SCN9A: variants seen among roughly 807,000 people sequenced by gnomAD.
SCN9A encodes the protein sodium channel protein type 9 subunit alpha.
SCN9A carries 131 observed loss-of-function variants against 187.0 expected under a neutral mutation model. That is an observed-to-expected ratio of 0.70 (90% CI 0.61 to 0.81). The LOEUF is 0.81. Ranked by LOEUF, SCN9A falls within the 30% of genes least tolerant of loss-of-function variation. SCN9A has a pLI of 0.00. For missense variants in SCN9A, 2,252 were observed against 2,396.6 expected, an observed-to-expected ratio of 0.94 and a Z score of 1.26; for synonymous variants, 809 against 808.6, an observed-to-expected ratio of 1.00 and a Z score of -0.01.
intron 1 of SCN9A, among the ~76,000 whole-genome samples, chr2:166,323,802 ATATT>A (rs1699299830): frequency 6.6e-6 from 1 of 151,948 alleles, no homozygotes; most frequent in Non-Finnish European, 1.5e-5. Flanking sequence ...TATGAAAGCT[ATATT>A]TATTTAAGAG....
At chr2:166,260,150 G>T (rs1434590846) in intron 17 of SCN9A, among the ~76,000 whole-genome samples, 1 of 151,844 alleles carries the variant, frequency 6.6e-6, no homozygotes. Flanking sequence ...CCACCACATA[G>T]TAAAAGGACA....
In SCN9A at chr2:166,284,486, C is replaced by T. The variant is rs1474457454; in HGVS notation, c.1941G>A (p.Glu647=). 6.2e-7 allele frequency: 1 copy of T among 1,613,838 alleles called. No homozygotes were observed. The highest frequency in any genetic ancestry group is 2.2e-5 in the East Asian group (1 of 44,848). The change falls in exon 12 of 27, where the codon GAG becomes GAA. Residue 647 remains glutamate, a synonymous_variant. Transcript: ENST00000642356. ...CAGAAGTTGCCTTATCTATTATCAC[C>T]TCTGGCAGAAGCTGTCCATTGGGGA... ...LMLPNGQLLP[E]VIIDKATSDD... is the part of the protein sequence containing the mutation.
chr2:166,332,037 T>C (rs1215335459), intron 1 of SCN9A, among the ~76,000 whole-genome samples: 5 of 152,166 alleles, frequency 3.3e-5, no homozygotes, highest in African/African-American at 1.2e-4. Context: ...AGTGACTATA[T>C]TTCCATTCCA....
chr2:166,323,686 T>A (rs1699297343), intron 1 of SCN9A, among the ~76,000 whole-genome samples: 1 of 152,124 alleles, frequency 6.6e-6, no homozygotes, highest in African/African-American at 2.4e-5. Flanking sequence ...GATTTATTAG[T>A]GTCAGGGCAC....
chr2:166,246,074 G>A (rs1182345008), intron 18 of SCN9A, among the ~76,000 whole-genome samples: 1 of 151,838 alleles, frequency 6.6e-6, no homozygotes, highest in Non-Finnish European at 1.5e-5. Context: ...TATATTTTAT[G>A]TGTTCCTGTT....
intron 24 of SCN9A, among the ~76,000 whole-genome samples, chr2:166,225,766 A>G (rs930311629): frequency 2.0e-5 from 3 of 152,176 alleles, no homozygotes; most frequent in Non-Finnish European, 4.4e-5. Context: ...TAGAGGAGAA[A>G]GACACACAGA....
At position 166,242,651 on chromosome 2, in the gene SCN9A, C is replaced by T. The variant is rs1369161781; in HGVS notation, c.3478G>A (p.Val1160Ile). The T allele has an allele frequency of 1.3e-6, 2 of 1,546,272 alleles. No individual in the cohort carries two copies. The highest frequency in any genetic ancestry group is 1.7e-6 in the Non-Finnish European group (2 of 1,143,704). The change falls in exon 19 of 27, where the codon GTA (valine) becomes ATA (isoleucine). Residue 1160 changes from valine to isoleucine, a missense_variant. Physicochemically the swap from Val to Ile is conservative, Grantham distance 29. Transcript: ENST00000642356. ...ACTTGGCAGCATGAGAACCTCCATA[C>T]ACAACCTGACAAGAAAGACATGCAT... ...EPEACFTDGC[V>I]WRFSCCQVNI...
chr2:166,337,495 T>A (rs193007084), intron 1 of SCN9A, among the ~76,000 whole-genome samples: 53 of 152,250 alleles, frequency 3.5e-4, no homozygotes, highest in East Asian at 3.5e-3. Flanking sequence ...GGAATATTCC[T>A]AGTCCCAAGA....
rs202141567 is a variant in SCN9A at position 166,284,609 on chromosome 2, A to G, written c.1818T>C (p.Ser606=). 16 of 1,614,018 alleles carry G rather than the reference A, an allele frequency of 9.9e-6. No homozygotes were observed. Among genetic ancestry groups the G allele is most frequent in the African/African-American group, 8.0e-5 (6 of 75,046 alleles). ...TCACCGGCAGCATTGGTGGGGACCT[A>G]CTGGCTTGGCTGATGTTACTGCTGC... The part of the protein sequence containing the change: ...ERRSSNISQA[S]RSPPMLPVNG... The change falls in exon 12 of 27, where the codon AGT becomes AGC. Residue 606 remains serine (S), a synonymous_variant. Coordinates refer to ENST00000642356, the MANE Select transcript of SCN9A (RefSeq NM_001365536.1).
chr2:166,266,184 T>A (rs2106449453), intron 17 of SCN9A, among the ~76,000 whole-genome samples: 1 of 152,036 alleles, frequency 6.6e-6, no homozygotes, highest in African/African-American at 2.4e-5. Flanking sequence ...TCTTCTCTAA[T>A]AGTTGTGTAG....
At chr2:166,333,638 G>GT (rs796870168) in intron 1 of SCN9A, among the ~76,000 whole-genome samples, 32 of 150,864 alleles carry the variant, frequency 2.1e-4, no homozygotes, top group Admixed American at 5.3e-4. Flanking sequence ...GACATAACTT[G>GT]TTTTTTTTTA....
At position 166,218,403 on chromosome 2, in the gene SCN9A, G is replaced by A. The variant is rs924329524; in HGVS notation, c.4398+8164C>T. ...GTGCACATGTACCCTAGAACTTAAA[G>A]TAAAATAAAAAAATAAATAAATAAA... On this transcript the variant is annotated intron_variant, in intron 24 of 26. Transcript: ENST00000642356. 2.0e-5 allele frequency among the ~76,000 whole-genome samples: 3 copies of A among 150,488 alleles called. 1 individual carries two copies. In the East Asian group the frequency reaches 5.9e-4, roughly 30 times the overall value.
At position 166,264,282 on chromosome 2, in the gene SCN9A, T is replaced by TA. The variant is rs550385133; in HGVS notation, c.3351+8116dup. On this transcript the variant is annotated intron_variant, in intron 17 of 26. Coordinates refer to ENST00000642356, the MANE Select transcript of SCN9A (RefSeq NM_001365536.1). ...TGAGGAAGCACTTCACTGCCAGTGGTAAAAAAGCCTGTGTAGTGTGTTGTT... is the reference window on the plus strand; with the variant it reads ...TGAGGAAGCACTTCACTGCCAGTGGTAAAAAAAGCCTGTGTAGTGTGTTGTT... 8.6e-5 allele frequency among the ~76,000 whole-genome samples: 13 copies of TA among 152,028 alleles called. 1 individual carries two copies. Among genetic ancestry groups the TA allele is most frequent in the Admixed American group, 8.5e-4 (13 of 15,238 alleles).
chr2:166,365,317 C>CA (rs1453754438), intron 1 of SCN9A, among the ~76,000 whole-genome samples: 6 of 151,808 alleles, frequency 4.0e-5, no homozygotes, highest in Non-Finnish European at 7.4e-5. Flanking sequence ...ATCTAAATCA[C>CA]AAAAAAAGAC....
In SCN9A at chr2:166,280,607, A is replaced by C; in HGVS notation, c.2105-12T>G. On this transcript the variant is annotated splice_polypyrimidine_tract_variant and intron_variant, in intron 13 of 26. Transcript: ENST00000642356. ...GGACTCTTCAAGTTCTGGGAGAAAA[A>C]AGCAGAGAACATGGAGTCAGCCATT... is the stretch of plus-strand genomic sequence containing the variant. 1 of 1,504,266 alleles carries C rather than the reference A, an allele frequency of 6.6e-7. No homozygotes were observed. The highest frequency in any genetic ancestry group is 9.1e-7 in the Non-Finnish European group (1 of 1,102,138). The allele number at this position is 1,504,266 out of a possible 1,614,324, so 93.2% of individuals were successfully genotyped here.
intron 18 of SCN9A, among the ~76,000 whole-genome samples, chr2:166,247,228 T>G (rs780535001): frequency 5.4e-5 from 8 of 147,672 alleles, no homozygotes; most frequent in African/African-American, 2.0e-4. Context: ...AGACAGACTA[T>G]TCATTAAAAA....
At chr2:166,355,789 AT>A (rs10538478) in intron 1 of SCN9A, among the ~76,000 whole-genome samples, 2,636 of 145,994 alleles carry the variant, frequency 0.018, 30 homozygotes, top group African/African-American at 0.031. Context: ...TAGAAATGAG[AT>A]TTTTTTTTTT....
intron 25 of SCN9A, 53 bp downstream of exon 25, chr2:166,204,307 G>T: frequency 1.3e-6 from 2 of 1,556,038 alleles, no homozygotes; most frequent in South Asian, 2.4e-5. Context: ...CATTAAAAAT[G>T]AATTAGAAAT....
Position 166,311,534 on chromosome 2 carries a change from G to T in SCN9A, c.223C>A (p.Leu75Met). 1 of 1,611,602 alleles carries T rather than the reference G, an allele frequency of 6.2e-7. No individual in the cohort carries two copies. The highest frequency in any genetic ancestry group is 8.5e-7 in the Non-Finnish European group (1 of 1,178,936). Residue 75 changes from leucine to methionine, a missense_variant, in exon 2 of 27, where the codon CTG becomes ATG. Transcript: ENST00000642356. ...DIPPGMVSEP[L>M]EDLDPYYADK... is the part of the protein sequence containing the mutation. ...GCATAGTAGGGGTCCAAGTCCTCCAGGGGCTCTGACACCATGCCGGGAGGA... is the reference window on the plus strand; with the variant it reads ...GCATAGTAGGGGTCCAAGTCCTCCATGGGCTCTGACACCATGCCGGGAGGA...
Sources: allele counts gnomAD v4.1 joint callset (sites outside exome capture counted in the v4.1 genomes callset), GRCh38; gene constraint gnomAD v4.1.1; transcripts MANE v1.5; gene names NCBI Gene and HGNC (gene_info 2026-07-23, HGNC 2026-07-21).